VPS13B: variants seen among roughly 807,000 people sequenced by gnomAD.
VPS13B encodes the protein intermembrane lipid transfer protein VPS13B.
Under a neutral mutation model 426.4 loss-of-function variants are expected in VPS13B, and 285 were observed. The observed-to-expected ratio is 0.67, with a 90% CI of 0.61 to 0.74. The LOEUF (loss-of-function observed/expected upper bound fraction) is 0.74. Among genes scored for constraint, VPS13B ranks in the 30% least tolerant of loss-of-function variants. VPS13B has a pLI of 0.00. For missense variants in VPS13B, 4,537 were observed against 4,782.6 expected (o/e 0.95, Z 1.51); for synonymous variants, 1,676 against 1,676.4 (o/e 1.00, Z 0.01).
chr8:99,758,085 T>C (rs564767355), intron 39 of VPS13B, among the ~76,000 whole-genome samples: 18 of 152,328 alleles, frequency 1.2e-4, no homozygotes, highest in Non-Finnish European at 2.6e-4. Flanking sequence ...AAATCCTTAG[T>C]TATAGATATT....
rs1421674398 is a variant in VPS13B at position 99,462,848 on chromosome 8, G to T, written c.3446-4566G>T. On this transcript the variant is annotated intron_variant, in intron 23 of 61. Coordinates refer to ENST00000357162, the MANE Select transcript of VPS13B (RefSeq NM_152564.5). ...TCTCTCTTGGTCGTGTGAGAACATG[G>T]CAAGAAGGTTATCTAATTGTTTTCC... is the stretch of plus-strand genomic sequence containing the variant. 2.0e-5 allele frequency among the ~76,000 whole-genome samples: 3 copies of T among 152,142 alleles called. No individual in the cohort carries two copies. In the East Asian group the frequency reaches 5.8e-4, roughly 29 times the overall value.
intron 23 of VPS13B, among the ~76,000 whole-genome samples, chr8:99,462,936 G>A (rs1293720989): frequency 6.6e-6 from 1 of 152,174 alleles, no homozygotes; most frequent in Non-Finnish European, 1.5e-5. Context: ...AGAACTCCCA[G>A]AGCTCTTAGA....
rs115899048 is a variant in VPS13B at position 99,553,528 on chromosome 8, A to C, written c.4746-2922A>C. Among the ~76,000 whole-genome samples, 925 of 152,208 alleles carry C rather than the reference A, an allele frequency of 6.1e-3. 9 individuals carry two copies. The highest frequency in any genetic ancestry group is 0.021 in the African/African-American group (878 of 41,532). On this transcript the variant is annotated intron_variant, in intron 30 of 61. Coordinates refer to ENST00000357162, the MANE Select transcript of VPS13B (RefSeq NM_152564.5). ...ATAATATACTTCCATAATAGTCATA[A>C]AATCTACAAGGTACTTTATGAATAG...
chr8:99,601,019 CT>C (rs1827270221), intron 33 of VPS13B, among the ~76,000 whole-genome samples: 1 of 151,848 alleles, frequency 6.6e-6, no homozygotes, highest in Non-Finnish European at 1.5e-5. Flanking sequence ...TTTTATTATA[CT>C]TTAAGTTCTG....
rs982622333 is a variant in VPS13B, at chr8:99,353,280, G to A, written c.2825-30928G>A. On this transcript the variant is annotated intron_variant, in intron 19 of 61. Transcript: ENST00000357162. ...ATTACCAGTGTGAGCCACCACGCCC[G>A]ACCACACTATGTTCTTGATAGTCAA... Among the ~76,000 whole-genome samples, 7 of 152,172 alleles carry A rather than the reference G, an allele frequency of 4.6e-5. No homozygotes were observed. The East Asian group carries it at 1.4e-3, about 29-fold the overall frequency.
chr8:99,856,902 G>A (rs1816577428), intron 56 of VPS13B, among the ~76,000 whole-genome samples: 1 of 152,034 alleles, frequency 6.6e-6, no homozygotes, highest in South Asian at 2.1e-4. Context: ...GGGTGGGAGA[G>A]GCAGAATAAA....
At chr8:99,367,746 T>G (rs899212947) in intron 19 of VPS13B, among the ~76,000 whole-genome samples, 1 of 152,208 alleles carries the variant, frequency 6.6e-6, no homozygotes, top group South Asian at 2.1e-4. Flanking sequence ...TTCAACCTCC[T>G]GGGTTCAAGC....
intron 2 of VPS13B, among the ~76,000 whole-genome samples, chr8:99,024,296 A>T (rs1842036976): frequency 3.9e-5 from 6 of 152,234 alleles, no homozygotes; most frequent in African/African-American, 1.4e-4. Context: ...GCATGCGCAC[A>T]TGTGTGCTAT....
At chr8:99,135,781 A>C in intron 11 of VPS13B, 48 bp downstream of exon 11, 1 of 1,610,240 alleles carries the variant, frequency 6.2e-7, no homozygotes, top group South Asian at 1.1e-5. Context: ...GTTTGGGTGG[A>C]CACATTGTAT....
chr8:99,599,808 TC>T (rs1231364890), intron 33 of VPS13B, among the ~76,000 whole-genome samples: 1 of 152,090 alleles, frequency 6.6e-6, no homozygotes, highest in African/African-American at 2.4e-5. Context: ...CCCGTAATCT[TC>T]CTTCTACATT....
At chr8:99,075,704 C>G (rs1047463714) in intron 3 of VPS13B, among the ~76,000 whole-genome samples, 3 of 152,110 alleles carry the variant, frequency 2.0e-5, no homozygotes, top group African/African-American at 7.2e-5. Flanking sequence ...GACCCTTTGT[C>G]ATTTTGTAGT....
At chr8:99,573,752 C>T (rs1317478619) in intron 31 of VPS13B, among the ~76,000 whole-genome samples, 1 of 152,070 alleles carries the variant, frequency 6.6e-6, no homozygotes, top group Non-Finnish European at 1.5e-5. Context: ...CAGCTTTGTT[C>T]TTTTTGCTTA....
chr8:99,222,757 A>T (rs1815797071), intron 17 of VPS13B, among the ~76,000 whole-genome samples: 1 of 152,202 alleles, frequency 6.6e-6, no homozygotes, highest in South Asian at 2.1e-4. Flanking sequence ...ATAGTTGTTA[A>T]TGTCTAATAC....
In VPS13B at chr8:99,854,271, T is replaced by C. The variant is rs924741671; in HGVS notation, c.10867+15T>C. On this transcript the variant is annotated intron_variant, in intron 56 of 61. Coordinates refer to ENST00000357162, the MANE Select transcript of VPS13B (RefSeq NM_152564.5). ...TTTTAGAGCAGGTAAGAACACAAGC[T>C]GAGGGTCTGTGATGAGCTAGAGCCC... 2 of 1,611,242 alleles carry C rather than the reference T, an allele frequency of 1.2e-6. No individual in the cohort carries two copies. Among genetic ancestry groups the C allele is most frequent in the South Asian group, 1.1e-5 (1 of 90,390 alleles).
intron 48 of VPS13B, 38 bp from the exon 49 acceptor site, chr8:99,819,883 T>G (rs1399640720): frequency 6.2e-7 from 1 of 1,606,110 alleles, no homozygotes; most frequent in Non-Finnish European, 8.5e-7. Flanking sequence ...AAAGTTATCA[T>G]ATTTCATTGA....
At chr8:99,443,264 C>A (rs1396522534) in intron 23 of VPS13B, among the ~76,000 whole-genome samples, 3 of 152,038 alleles carry the variant, frequency 2.0e-5, no homozygotes, top group Non-Finnish European at 4.4e-5. Flanking sequence ...AATAACAAGG[C>A]TCAAATTTTT....
At chr8:99,872,617 G>C (rs991199553) in intron 61 of VPS13B, among the ~76,000 whole-genome samples, 2 of 152,208 alleles carry the variant, frequency 1.3e-5, no homozygotes, top group African/African-American at 2.4e-5. Flanking sequence ...ATGATGGCCT[G>C]ATCCATGAGA....
chr8:99,373,381 A>G (rs548326098), intron 19 of VPS13B, among the ~76,000 whole-genome samples: 2 of 133,876 alleles, frequency 1.5e-5, no homozygotes, highest in South Asian at 2.3e-4. Context: ...AAAGCTGTCT[A>G]TAATTATCTT....
chr8:99,577,368 T>C, intron 32 of VPS13B, 122 bp from the exon 33 acceptor site: 3 of 1,338,096 alleles, frequency 2.2e-6, no homozygotes, highest in African/African-American at 1.4e-5. Context: ...TTCTCCTTAA[T>C]GTATGAACTT....
Sources: allele counts gnomAD v4.1 joint callset (sites outside exome capture counted in the v4.1 genomes callset), GRCh38; gene constraint gnomAD v4.1.1; transcripts MANE v1.5; gene names NCBI Gene and HGNC (gene_info 2026-07-23, HGNC 2026-07-21).